The following TCF7L1 variants were observed in gnomAD, a reference collection of about 807,000 sequenced individuals.
The protein encoded by TCF7L1 is transcription factor 7-like 1.
In TCF7L1, 18 loss-of-function variants were observed where a neutral mutation model predicts 63.7. The observed-to-expected ratio is 0.28, with a 90% CI of 0.20 to 0.42. TCF7L1 has a LOEUF of 0.42. Among genes scored for constraint, TCF7L1 ranks in the 10% least tolerant of loss-of-function variants. The pLI, the probability that TCF7L1 is intolerant of heterozygous loss-of-function variation, is 1.00. For synonymous variants in TCF7L1, 355 were observed against 340.9 expected, an observed-to-expected ratio of 1.04 and a Z score of -0.46; for missense variants, 654 against 779.3, an observed-to-expected ratio of 0.84 and a Z score of 1.91.
At chr2:85,224,175 A>T (rs1488900621) in intron 3 of TCF7L1, among the ~76,000 whole-genome samples, 3 of 152,172 alleles carry the variant, frequency 2.0e-5, no homozygotes, top group Admixed American at 1.3e-4. Context: ...CATTTTCTTT[A>T]TCCAGTCAAT....
chr2:85,134,095 G>A lies in TCF7L1; in HGVS notation c.313+16G>A, dbSNP rs777901453. 2.5e-6 allele frequency: 4 copies of A among 1,608,214 alleles called. No homozygotes were observed. The South Asian group carries it at 4.4e-5, about 18-fold the overall frequency. Reference sequence around the variant, plus strand: ...TTCGCCGAAGGTATGTGCCCGCTGGGACAGCCCCCCACTCTCGATTCCCGC... The same window carrying A: ...TTCGCCGAAGGTATGTGCCCGCTGGAACAGCCCCCCACTCTCGATTCCCGC... On this transcript the variant is annotated intron_variant, in intron 2 of 11. Coordinates refer to ENST00000282111, the MANE Select transcript of TCF7L1 (RefSeq NM_031283.3). This position sits in a 1 kb window ranked among gnomAD's most constrained non-coding sequence, Gnocchi z 5.0.
intron 4 of TCF7L1, among the ~76,000 whole-genome samples, chr2:85,289,821 A>C (rs921334691): frequency 7.3e-5 from 11 of 151,466 alleles, no homozygotes; most frequent in African/African-American, 2.4e-4. Flanking sequence ...ACAGGTATTC[A>C]CCACCACGCC....
At chr2:85,236,259 T>C (rs76321449) in intron 3 of TCF7L1, among the ~76,000 whole-genome samples, 5,892 of 152,148 alleles carry the variant, frequency 0.039, 120 homozygotes, top group Middle Eastern at 0.044. Context: ...TCTGTATCAG[T>C]GAGTATTTCA....
chr2:85,271,657 G>C (rs1333989908), intron 3 of TCF7L1, among the ~76,000 whole-genome samples: 1 of 152,172 alleles, frequency 6.6e-6, no homozygotes, highest in South Asian at 2.1e-4. Flanking sequence ...TTATAGTCTA[G>C]TTATTTATGT....
At position 85,145,410 on chromosome 2, in the gene TCF7L1, A is replaced by G. The variant is rs373295529; in HGVS notation, c.441+10960A>G. On this transcript the variant is annotated intron_variant, in intron 3 of 11. Coordinates refer to ENST00000282111, the MANE Select transcript of TCF7L1 (RefSeq NM_031283.3). The stretch of plus-strand genomic sequence containing the variant: ...CATTGATAATGAGGAAGAAAAATGA[A>G]GTAGGAATGAGTGGTATGAAAAGCA... Among the ~76,000 whole-genome samples, 141 of 152,348 alleles carry G rather than the reference A, an allele frequency of 9.3e-4. 5 individuals are homozygous for G. In the South Asian group the frequency reaches 0.028, roughly 31 times the overall value.
rs1682101826 is a variant in TCF7L1, at chr2:85,306,101, C to A, written c.990-105C>A. ...GCCACTTGAATTAGCATCCAGGCAG[C>A]CCGCGCCCCTCCCCAGAGACAATCA... On this transcript the variant is annotated intron_variant, in intron 8 of 11. Coordinates refer to ENST00000282111, the MANE Select transcript of TCF7L1 (RefSeq NM_031283.3). This position sits in a 1 kb window ranked among gnomAD's most constrained non-coding sequence, Gnocchi z 4.3. 2 of 1,407,246 alleles carry A rather than the reference C, an allele frequency of 1.4e-6. No individual in the cohort carries two copies. Among genetic ancestry groups the A allele is most frequent in the Non-Finnish European group, 9.8e-7 (1 of 1,020,774 alleles). 87.2% of individuals were successfully genotyped at this position (1,407,246 alleles called of 1,614,324 possible). A position where few individuals can be genotyped will look rare whatever the true frequency, so the allele number is the denominator to read the frequency against.
At position 85,306,103 on chromosome 2, in the gene TCF7L1, C is replaced by T. The variant is rs1019050804; in HGVS notation, c.990-103C>T. ...CACTTGAATTAGCATCCAGGCAGCC[C>T]GCGCCCCTCCCCAGAGACAATCAGC... On this transcript the variant is annotated intron_variant, in intron 8 of 11. Coordinates refer to ENST00000282111, the MANE Select transcript of TCF7L1 (RefSeq NM_031283.3). The surrounding 1 kb of genome is among the most constrained non-coding windows in gnomAD (Gnocchi z 4.3). 15 of 1,436,328 alleles carry T rather than the reference C, an allele frequency of 1.0e-5. No individual in the cohort carries two copies. The highest frequency in any genetic ancestry group is 2.3e-5 in the East Asian group (1 of 42,940). The allele number at this position is 1,436,328 out of a possible 1,614,324, so 89.0% of individuals were successfully genotyped here.
chr2:85,154,737 C>T lies in TCF7L1; in HGVS notation c.441+20287C>T, dbSNP rs116386648. Among the ~76,000 whole-genome samples, 1,056 of 152,318 alleles carry T rather than the reference C, an allele frequency of 6.9e-3. 11 individuals are homozygous for T. The highest frequency in any genetic ancestry group is 0.024 in the African/African-American group (1,016 of 41,560). ...AGGCAGGCAGTGGATTTGTTTTGTT[C>T]CTTCCCTCCTGTGTTCTCAGCACCA... On this transcript the variant is annotated intron_variant, in intron 3 of 11. Transcript: ENST00000282111.
At chr2:85,307,832 C>T (rs868468031) in intron 11 of TCF7L1, 115 bp downstream of exon 11, 16 of 930,404 alleles carry the variant, frequency 1.7e-5, no homozygotes, top group African/African-American at 8.3e-5. Flanking sequence ...TATTCGCGGG[C>T]GGGTATTATT....
chr2:85,134,222 G>T lies in TCF7L1; in HGVS notation c.314-101G>T. The T allele has an allele frequency of 3.4e-6, 5 of 1,477,146 alleles. No individual in the cohort carries two copies. The highest frequency in any genetic ancestry group is 4.5e-6 in the Non-Finnish European group (5 of 1,112,360). The allele number at this position is 1,477,146 out of a possible 1,614,324, so 91.5% of individuals were successfully genotyped here. A position where few individuals can be genotyped will look rare whatever the true frequency, so the allele number is the denominator to read the frequency against. On this transcript the variant is annotated intron_variant, in intron 2 of 11. Coordinates refer to ENST00000282111, the MANE Select transcript of TCF7L1 (RefSeq NM_031283.3). The surrounding 1 kb of genome is among the most constrained non-coding windows in gnomAD (Gnocchi z 5.0). ...TGGCGGCAGCCCCCGTGGGGCGCGC[G>T]TGGGGGGCGCTGGGGTCCCCAGCTC... is the stretch of plus-strand genomic sequence containing the variant.
intron 3 of TCF7L1, among the ~76,000 whole-genome samples, chr2:85,266,071 C>T (rs1348879635): frequency 3.9e-5 from 6 of 152,092 alleles, no homozygotes; most frequent in East Asian, 1.9e-4. Flanking sequence ...ATACATGTTT[C>T]GTATCTTGCT....
At chr2:85,189,757 G>A (rs1007753434) in intron 3 of TCF7L1, among the ~76,000 whole-genome samples, 5 of 152,228 alleles carry the variant, frequency 3.3e-5, no homozygotes, top group Non-Finnish European at 7.3e-5. Context: ...GGCCCATTCA[G>A]GGGCATTCAT....
intron 3 of TCF7L1, among the ~76,000 whole-genome samples, chr2:85,178,081 G>T (rs1434237870): frequency 6.6e-6 from 1 of 152,128 alleles, no homozygotes; most frequent in Non-Finnish European, 1.5e-5. Context: ...GAAAAAGCAG[G>T]GACCTTGCCA....
chr2:85,300,563 C>T (rs1007560697), intron 4 of TCF7L1, among the ~76,000 whole-genome samples: 9 of 152,060 alleles, frequency 5.9e-5, no homozygotes, highest in African/African-American at 2.2e-4. Flanking sequence ...CTCCGCCTCT[C>T]CTCTCTGCTT....
At chr2:85,247,553 T>C (rs1680494212) in intron 3 of TCF7L1, among the ~76,000 whole-genome samples, 1 of 152,232 alleles carries the variant, frequency 6.6e-6, no homozygotes, top group Non-Finnish European at 1.5e-5. Context: ...AAATGGACTT[T>C]TTTCTGCTAG....
intron 3 of TCF7L1, among the ~76,000 whole-genome samples, chr2:85,273,544 C>T (rs1162266445): frequency 5.3e-5 from 8 of 152,110 alleles, no homozygotes; most frequent in Non-Finnish European, 8.8e-5. Flanking sequence ...GGAAATAAGC[C>T]CTCTCCCAGG....
At chr2:85,297,385 C>T (rs144414781) in intron 4 of TCF7L1, among the ~76,000 whole-genome samples, 6 of 152,330 alleles carry the variant, frequency 3.9e-5, no homozygotes, top group East Asian at 1.9e-4. Context: ...CGTACAGACC[C>T]TCATTCTCCT....
chr2:85,238,339 G>C (rs1680242028), intron 3 of TCF7L1, among the ~76,000 whole-genome samples: 1 of 152,134 alleles, frequency 6.6e-6, no homozygotes, highest in Admixed American at 6.5e-5. Flanking sequence ...AGGGAAGGCC[G>C]TTCTCCAGGT....
chr2:85,261,380 G>A (rs146140857), intron 3 of TCF7L1, among the ~76,000 whole-genome samples: 38 of 152,270 alleles, frequency 2.5e-4, no homozygotes, highest in African/African-American at 7.2e-4. Context: ...GCATTAAAAG[G>A]AAGATCATTT....
Sources: allele counts gnomAD v4.1 joint callset (sites outside exome capture counted in the v4.1 genomes callset), GRCh38; gene constraint gnomAD v4.1.1; non-coding constraint Gnocchi (gnomAD v3.1); transcripts MANE v1.5; gene names NCBI Gene and HGNC (gene_info 2026-07-23, HGNC 2026-07-21).